TSNARE1: variants seen among roughly 807,000 people sequenced by gnomAD.
The protein encoded by TSNARE1 is t-SNARE domain containing 1, also known as t-SNARE domain-containing protein 1.
Under a neutral mutation model 62.0 loss-of-function variants are expected in TSNARE1, and 49 were observed. The observed-to-expected ratio is 0.79, with a 90% CI of 0.63 to 1.00. The LOEUF is 1.00. TSNARE1 is among the 50% of genes least tolerant of loss of function. TSNARE1 has a pLI of 0.00. For synonymous variants in TSNARE1, 328 were observed against 294.4 expected (o/e 1.11, Z -1.17); for missense variants, 755 against 700.1 (o/e 1.08, Z -0.88).
At chr8:142,350,025 AGGCAGGGCG>A (rs1367086056) in intron 2 of TSNARE1, among the ~76,000 whole-genome samples, 9 of 125,058 alleles carry the variant, frequency 7.2e-5, no homozygotes, top group African/African-American at 2.1e-4. Context: ...GGACCAGGGC[AGGCAGGGCG>A]GGCAGGGCTG....
intron 13 of TSNARE1, among the ~76,000 whole-genome samples, chr8:142,227,356 G>A (rs140098945): frequency 0.041 from 2,106 of 51,946 alleles, 16 homozygotes; most frequent in Admixed American, 0.1. Context: ...CCTGCCCATA[G>A]CCCCAGTGAC....
At chr8:142,313,328 C>G (rs545637151) in intron 9 of TSNARE1, among the ~76,000 whole-genome samples, 3 of 150,368 alleles carry the variant, frequency 2.0e-5, no homozygotes, top group South Asian at 2.1e-4. Context: ...GTCTGTGTCT[C>G]TGTGTGTTTA....
chr8:142,276,444 C>A (rs1344207066), intron 11 of TSNARE1: 2 of 985,362 alleles, frequency 2.0e-6, no homozygotes, highest in Non-Finnish European at 1.2e-6. Context: ...CAATGCCCCG[C>A]TCACGTGCAA....
intron 12 of TSNARE1, among the ~76,000 whole-genome samples, chr8:142,266,096 TAC>T (rs1191953615): frequency 2.0e-5 from 3 of 152,222 alleles, no homozygotes; most frequent in Non-Finnish European, 4.4e-5. Flanking sequence ...TTTTATGATG[TAC>T]AGTTACTAGC....
At chr8:142,347,815 C>T (rs113088770) in intron 2 of TSNARE1, among the ~76,000 whole-genome samples, 19 of 140,554 alleles carry the variant, frequency 1.4e-4, no homozygotes, top group Non-Finnish European at 2.8e-4. Flanking sequence ...ACTGCATCCG[C>T]TCACCCAAGT....
In TSNARE1 at chr8:142,327,705, G is replaced by T. The variant is rs58521255; in HGVS notation, c.893+3196C>A. Among the ~76,000 whole-genome samples the T allele has an allele frequency of 7.2e-5, 11 of 152,178 alleles. No homozygotes were observed. The East Asian group carries it at 1.9e-3, about 27-fold the overall frequency. On this transcript the variant is annotated intron_variant, in intron 6 of 13. Coordinates refer to ENST00000524325, the MANE Select transcript of TSNARE1 (RefSeq NM_145003.5). ...TGCTTAAGCTCTCACTGCAGGAGGC[G>T]GGGCTGTTAGGACTACGCCCATGAA...
intron 1 of TSNARE1, among the ~76,000 whole-genome samples, chr8:142,356,872 T>C (rs1253775886): frequency 6.6e-6 from 1 of 151,990 alleles, no homozygotes; most frequent in Non-Finnish European, 1.5e-5. Context: ...GAGTTCTCTG[T>C]ACTGCCCTCA....
At chr8:142,275,391 G>A (rs1284941814) in intron 11 of TSNARE1, 2 of 985,302 alleles carry the variant, frequency 2.0e-6, no homozygotes, top group African/African-American at 1.7e-5. Flanking sequence ...GCCGTGCGGG[G>A]ATCACGGGAG....
intron 1 of TSNARE1, among the ~76,000 whole-genome samples, chr8:142,356,732 G>A (rs1175213034): frequency 6.6e-6 from 1 of 152,118 alleles, no homozygotes; most frequent in African/African-American, 2.4e-5. Context: ...CTCTAAGCTG[G>A]GGCCACAAGC....
intron 4 of TSNARE1, among the ~76,000 whole-genome samples, chr8:142,343,716 A>T (rs1042123308): frequency 6.8e-6 from 1 of 146,658 alleles, no homozygotes; most frequent in Non-Finnish European, 1.5e-5. Flanking sequence ...GGATGAATGA[A>T]CAAGAACACT....
chr8:142,230,789 CA>C lies in TSNARE1; in HGVS notation c.1447-1211del, dbSNP rs1299756711. ...GCAACCATCCATCCATCCATCCATCCATCCATCCATCCATCCACCCACTCAT... is the reference window on the plus strand; with the variant it reads ...GCAACCATCCATCCATCCATCCATCCTCCATCCATCCATCCACCCACTCAT... On this transcript the variant is annotated intron_variant, in intron 12 of 13. Transcript: ENST00000524325. Among the ~76,000 whole-genome samples, 779 of 151,804 alleles carry C rather than the reference CA, an allele frequency of 5.1e-3. 5 individuals carry two copies. Among genetic ancestry groups the C allele is most frequent in the African/African-American group, 0.018 (750 of 41,376 alleles).
intron 1 of TSNARE1, among the ~76,000 whole-genome samples, chr8:142,388,277 C>T (rs1837241307): frequency 6.6e-6 from 1 of 151,988 alleles, no homozygotes; most frequent in African/African-American, 2.4e-5. Context: ...CATTAACATA[C>T]CTTTCTCAAT....
At chr8:142,399,102 C>T (rs150524295) in intron 1 of TSNARE1, among the ~76,000 whole-genome samples, 29 of 152,354 alleles carry the variant, frequency 1.9e-4, no homozygotes, top group Non-Finnish European at 3.1e-4. Flanking sequence ...GGTGAGGACA[C>T]CCCGCCCATA....
intron 7 of TSNARE1, 111 bp downstream of exon 7, chr8:142,318,433 C>G: frequency 9.4e-7 from 1 of 1,066,218 alleles, no homozygotes; most frequent in Non-Finnish European, 1.4e-6. Flanking sequence ...CTGTGTCCAT[C>G]CACACACGTC....
intron 12 of TSNARE1, among the ~76,000 whole-genome samples, chr8:142,262,719 C>G (rs1027960235): frequency 6.6e-6 from 1 of 152,094 alleles, no homozygotes; most frequent in Admixed American, 6.6e-5. Flanking sequence ...TAAGACGTGC[C>G]TACTTCCCCT....
intron 11 of TSNARE1, chr8:142,277,461 T>TTTG (rs1436534785): frequency 3.0e-6 from 3 of 985,308 alleles, no homozygotes; most frequent in Admixed American, 1.2e-4. Flanking sequence ...GGCCTGGCCC[T>TTTG]GCCCAAACCC....
intron 11 of TSNARE1, chr8:142,278,585 A>ACGGAGG: frequency 1.0e-6 from 1 of 985,286 alleles, no homozygotes; most frequent in Non-Finnish European, 1.2e-6. Context: ...GGGAGGAGGC[A>ACGGAGG]CGGAGGCGGC....
intron 1 of TSNARE1, among the ~76,000 whole-genome samples, chr8:142,355,734 G>A (rs1045065353): frequency 3.9e-5 from 6 of 152,174 alleles, no homozygotes; most frequent in African/African-American, 9.7e-5. Context: ...GGCTCCACCC[G>A]CCCACACAAA....
chr8:142,340,882 C>A (rs34238444), intron 4 of TSNARE1, among the ~76,000 whole-genome samples: 23,985 of 152,292 alleles, frequency 0.16, 2,001 homozygotes, highest in East Asian at 0.29. Flanking sequence ...CTCCCTGGGC[C>A]CAGAGGGGAA....
Sources: allele counts gnomAD v4.1 joint callset (sites outside exome capture counted in the v4.1 genomes callset), GRCh38; gene constraint gnomAD v4.1.1; transcripts MANE v1.5; gene names NCBI Gene and HGNC (gene_info 2026-07-23, HGNC 2026-07-21).